BTD: variants seen among roughly 807,000 people sequenced by gnomAD.
BTD encodes biotinidase, also known as biocytinase.
Under a neutral mutation model 17.7 loss-of-function variants are expected in BTD, and 13 were observed. The ratio of observed to expected loss-of-function variants is 0.74; its 90% CI spans 0.48 to 1.17. The LOEUF is 1.17. Ranked by LOEUF, BTD falls within the 50% of genes most tolerant of loss-of-function variation. The pLI, the probability that BTD is intolerant of heterozygous loss-of-function variation, is 0.00. For missense variants in BTD, 674 were observed against 650.4 expected, an observed-to-expected ratio of 1.04 and a Z score of -0.39; for synonymous variants, 240 against 245.2, an observed-to-expected ratio of 0.98 and a Z score of 0.20.
chr3:15,656,142 C>T (rs1417794934), downstream of BTD, among the ~76,000 whole-genome samples: 8 of 152,178 alleles, frequency 5.3e-5, no homozygotes, highest in Non-Finnish European at 1.2e-4. Flanking sequence ...CAATGAATTT[C>T]TCTGAGTTTC....
chr3:15,716,930 C>G (rs1157225482), downstream of BTD, among the ~76,000 whole-genome samples: 1 of 152,104 alleles, frequency 6.6e-6, no homozygotes, highest in Non-Finnish European at 1.5e-5. Context: ...CCACTGCACT[C>G]TGGGCTGGTC....
intron 3 of BTD, among the ~76,000 whole-genome samples, chr3:15,673,128 C>T (rs1007877606): frequency 1.3e-5 from 2 of 152,224 alleles, no homozygotes. Context: ...TCCTCCCCCA[C>T]TTTCTCCTTA....
chr3:15,622,984 G>A (rs1485949132), intron 1 of BTD, among the ~76,000 whole-genome samples: 1 of 152,220 alleles, frequency 6.6e-6, no homozygotes, highest in Non-Finnish European at 1.5e-5. Context: ...CCACATGGCT[G>A]GGGAGGCTTC....
At chr3:15,616,747 T>G (rs2064803135) in intron 1 of BTD, among the ~76,000 whole-genome samples, 1 of 152,260 alleles carries the variant, frequency 6.6e-6, no homozygotes, top group African/African-American at 2.4e-5. Flanking sequence ...CCTTGTGACA[T>G]ATGATGCTGA....
intron 3 of BTD, among the ~76,000 whole-genome samples, chr3:15,702,131 TACTGAC>T: frequency 6.6e-6 from 1 of 152,342 alleles, no homozygotes; most frequent in East Asian, 1.9e-4. Flanking sequence ...TGAAAAAGAT[TACTGAC>T]ACTAAGTTAA....
chr3:15,677,701 A>C, intron 3 of BTD: 1 of 528,326 alleles, frequency 1.9e-6, no homozygotes, highest in Non-Finnish European at 3.4e-6. Flanking sequence ...ATATTGTAAT[A>C]TATAACATAT....
At chr3:15,601,638 C>A, upstream of BTD, 1 of 1,554,270 alleles carries the variant, frequency 6.4e-7, no homozygotes, top group Non-Finnish European at 8.7e-7. Flanking sequence ...TCGTCCACTT[C>A]CCGGGAGAGG....
At chr3:15,642,178 C>A in intron 3 of BTD, 121 bp downstream of exon 3, 1 of 1,527,864 alleles carries the variant, frequency 6.5e-7, no homozygotes, top group Middle Eastern at 1.7e-4. Flanking sequence ...CAAAATCCAA[C>A]CCAAACTCCC....
At chr3:15,705,817 A>G (rs2071277875) in intron 3 of BTD, among the ~76,000 whole-genome samples, 1 of 152,020 alleles carries the variant, frequency 6.6e-6, no homozygotes, top group Admixed American at 6.6e-5. Flanking sequence ...CCTGGCCAAC[A>G]TGGTGAATCT....
At chr3:15,626,616 A>C (rs1284521677) in intron 1 of BTD, among the ~76,000 whole-genome samples, 1 of 152,014 alleles carries the variant, frequency 6.6e-6, no homozygotes, top group Non-Finnish European at 1.5e-5. Context: ...ATCTCTACAA[A>C]AAATTAAAAA....
At chr3:15,641,548 G>T (rs1184004424) in intron 2 of BTD, among the ~76,000 whole-genome samples, 1 of 152,172 alleles carries the variant, frequency 6.6e-6, no homozygotes, top group Non-Finnish European at 1.5e-5. Flanking sequence ...CCAGTAGTTG[G>T]CCCCATCTCC....
rs78601074 is a variant in BTD at position 15,645,699 on chromosome 3, G to A, written c.*211G>A. 2,911 of 573,572 alleles carry A rather than the reference G, an allele frequency of 5.1e-3. 25 individuals are homozygous for A. The highest frequency in any genetic ancestry group is 0.013 in the South Asian group (576 of 43,890). The allele number at this position is 573,572 out of a possible 1,614,324, so 35.5% of individuals were successfully genotyped here. ...AAACCTCAATCATCGAGACATTAGG[G>A]GGTATTTTCTGTTCACATTTATCTT... On this transcript the variant is annotated 3_prime_UTR_variant, in exon 4 of 4. Coordinates refer to ENST00000643237, the MANE Select transcript of BTD (RefSeq NM_001370658.1).
chr3:15,644,707 T>C lies in BTD; in HGVS notation c.791T>C (p.Ile264Thr). The change falls in exon 4 of 4, where the codon ATT (isoleucine) becomes ACT (threonine). Residue 264 changes from isoleucine (I) to threonine (T), a missense_variant. Ile to Thr is a moderately conservative substitution (Grantham distance 89, BLOSUM62 -1). Coordinates refer to ENST00000643237, the MANE Select transcript of BTD (RefSeq NM_001370658.1). ...NQLPLLAAIE[I>T]QKAFAVAFGI... ...CTCCCACTCTTGGCAGCAATTGAGATTCAGAAAGCTTTTGCTGTTGCCTTT... is the reference window on the plus strand; with the variant it reads ...CTCCCACTCTTGGCAGCAATTGAGACTCAGAAAGCTTTTGCTGTTGCCTTT... 1 of 1,614,202 alleles carries C rather than the reference T, an allele frequency of 6.2e-7. No individual in the cohort carries two copies. Among genetic ancestry groups the C allele is most frequent in the Non-Finnish European group, 8.5e-7 (1 of 1,180,046 alleles).
intron 1 of BTD, among the ~76,000 whole-genome samples, chr3:15,621,609 TTTCC>T (rs1426766569): frequency 6.6e-6 from 1 of 152,180 alleles, no homozygotes; most frequent in East Asian, 1.9e-4. Flanking sequence ...TTCTTTTTTT[TTTCC>T]TTTGAGATGG....
chr3:15,655,762 C>G (rs987154550), downstream of BTD, among the ~76,000 whole-genome samples: 4 of 152,148 alleles, frequency 2.6e-5, no homozygotes, highest in Non-Finnish European at 5.9e-5. Flanking sequence ...AAATAAGAAA[C>G]GAAACAGTAT....
Position 15,645,254 on chromosome 3 carries a change from T to G in BTD, c.1338T>G (p.Leu446=). 3 of 1,614,230 alleles carry G rather than the reference T, an allele frequency of 1.9e-6. No homozygotes were observed. The highest frequency in any genetic ancestry group is 2.5e-6 in the Non-Finnish European group (3 of 1,180,040). ...QVCALVRCGG[L]GFDTCGQEIT... ...GTGCCCTGGTCAGGTGTGGGGGTCT[T>G]GGCTTCGACACCTGTGGACAGGAAA... Residue 446 remains leucine, a synonymous_variant, in exon 4 of 4, where the codon CTT becomes CTG. Coordinates refer to ENST00000643237, the MANE Select transcript of BTD (RefSeq NM_001370658.1).
At chr3:15,623,730 T>TA (rs1425846518) in intron 1 of BTD, among the ~76,000 whole-genome samples, 1 of 152,174 alleles carries the variant, frequency 6.6e-6, no homozygotes, top group Non-Finnish European at 1.5e-5. Context: ...TGTGTCATGA[T>TA]AGAGTTCTCA....
intron 3 of BTD, chr3:15,679,376 T>C: frequency 6.2e-7 from 1 of 1,613,994 alleles, no homozygotes; most frequent in Non-Finnish European, 8.5e-7. Flanking sequence ...ACCTTCGTTG[T>C]CATTTATCCT....
At chr3:15,687,346 T>TATAC (rs1031758951) in intron 3 of BTD, among the ~76,000 whole-genome samples, 2 of 151,984 alleles carry the variant, frequency 1.3e-5, no homozygotes, top group African/African-American at 4.8e-5. Flanking sequence ...TATATATATA[T>TATAC]ACATACAGTA....
Sources: allele counts gnomAD v4.1 joint callset (sites outside exome capture counted in the v4.1 genomes callset), GRCh38; gene constraint gnomAD v4.1.1; transcripts MANE v1.5; gene names NCBI Gene and HGNC (gene_info 2026-07-23, HGNC 2026-07-21).